VWDE: variants seen among roughly 807,000 people sequenced by gnomAD.
VWDE encodes von Willebrand factor D and EGF domains.
Under a neutral mutation model 178.4 loss-of-function variants are expected in VWDE, and 207 were observed. The ratio of observed to expected loss-of-function variants is 1.16; its 90% CI spans 1.04 to 1.30. The LOEUF is 1.30. VWDE is among the 50% of genes most tolerant of loss of function. The probability of loss-of-function intolerance (pLI) is 0.00; values close to 1 mark genes in which losing one functional copy is unlikely to be tolerated. For synonymous variants in VWDE, 738 were observed against 651.4 expected (o/e 1.13, Z -2.02); for missense variants, 2,287 against 1,901.3 (o/e 1.20, Z -3.77).
chr7:12,367,539 C>CA, intron 12 of VWDE, 46 bp from the exon 13 acceptor site: 4 of 1,378,566 alleles, frequency 2.9e-6, no homozygotes, highest in Non-Finnish European at 2.9e-6. Context: ...TACTTAATTT[C>CA]AGAAAAAAAA....
intron 9 of VWDE, 119 bp from the exon 10 acceptor site, chr7:12,373,366 A>G (rs1354031391): frequency 9.6e-7 from 1 of 1,036,676 alleles, no homozygotes; most frequent in African/African-American, 1.6e-5. Flanking sequence ...TGAAGGAAAC[A>G]AAGTAGTCAT....
intron 1 of VWDE, among the ~76,000 whole-genome samples, chr7:12,396,932 T>A (rs1176067397): frequency 6.6e-6 from 1 of 151,880 alleles, no homozygotes; most frequent in African/African-American, 2.4e-5. Context: ...TGAAACTCTG[T>A]CTCAAAAATA....
At chr7:12,371,005 A>G (rs1468195383) in intron 10 of VWDE, 141 bp from the exon 11 acceptor site, 31 of 728,976 alleles carry the variant, frequency 4.3e-5, no homozygotes, top group Non-Finnish European at 6.2e-5. Context: ...TTTCTTGACT[A>G]CAACTTTCCT....
At chr7:12,333,380 A>C (rs979087534) in intron 28 of VWDE, 85 bp downstream of exon 28, 3 of 787,260 alleles carry the variant, frequency 3.8e-6, no homozygotes, top group East Asian at 3.0e-5. Flanking sequence ...TAATAAAAAA[A>C]CATTAATTAG....
intron 2 of VWDE, among the ~76,000 whole-genome samples, chr7:12,391,352 TG>T (rs2128561759): frequency 6.6e-6 from 1 of 152,190 alleles, no homozygotes; most frequent in East Asian, 1.9e-4. Flanking sequence ...ATTGATTTTC[TG>T]GTTGAATACT....
chr7:12,398,377 A>G (rs1784723421), intron 1 of VWDE, among the ~76,000 whole-genome samples: 1 of 152,200 alleles, frequency 6.6e-6, no homozygotes, highest in Admixed American at 6.5e-5. Context: ...GAAACTTACC[A>G]GATTACCACA....
rs943254762 is a variant in VWDE, at chr7:12,375,217, G to A, written c.1035C>T (p.His345=). 1.3e-6 allele frequency: 2 copies of A among 1,550,452 alleles called. No homozygotes were observed. The highest frequency in any genetic ancestry group is 2.7e-5 in the African/African-American group (2 of 72,972). ...AAGACAGTGCCAAATTTAAGCCTAGGTGCTCTCTACCTATTTAATGAAAAA... is the reference window on the plus strand; with the variant it reads ...AAGACAGTGCCAAATTTAAGCCTAGATGCTCTCTACCTATTTAATGAAAAA... ...KLKTIGQGRE[H]LGLNLALSSC... is the part of the protein sequence containing the mutation. Residue 345 remains histidine, a synonymous_variant, in exon 8 of 29, where the codon CAC becomes CAT. Transcript: ENST00000275358.
rs775000851 is a variant in VWDE at position 12,377,938 on chromosome 7, G to A, written c.880-18C>T. On this transcript the variant is annotated intron_variant, in intron 6 of 28. Transcript: ENST00000275358. ...GGCTGTAGCTGGTATAAGAAAATACGTAGAAAAATTATGTTAAAATATAAT... is the reference window on the plus strand; with the variant it reads ...GGCTGTAGCTGGTATAAGAAAATACATAGAAAAATTATGTTAAAATATAAT... The A allele has an allele frequency of 1.3e-5, 17 of 1,351,648 alleles. No individual in the cohort carries two copies. The highest frequency in any genetic ancestry group is 7.3e-5 in the Admixed American group (2 of 27,534). The allele number at this position is 1,351,648 out of a possible 1,614,324, so 83.7% of individuals were successfully genotyped here. A position where few individuals can be genotyped will look rare whatever the true frequency, so the allele number is the denominator to read the frequency against.
At chr7:12,354,992 G>C (rs1782148006) in intron 18 of VWDE, among the ~76,000 whole-genome samples, 1 of 152,166 alleles carries the variant, frequency 6.6e-6, no homozygotes, top group Non-Finnish European at 1.5e-5. Context: ...ATCTGAACGA[G>C]TAAATTCAGT....
chr7:12,359,714 A>C (rs1782467637), intron 15 of VWDE, 22 bp from the exon 16 acceptor site: 2 of 1,445,630 alleles, frequency 1.4e-6, no homozygotes, highest in East Asian at 2.5e-5. Flanking sequence ...TTTTTAAAAA[A>C]GAAAACATCA....
intron 19 of VWDE, among the ~76,000 whole-genome samples, chr7:12,345,526 A>C (rs1032864474): frequency 6.6e-6 from 1 of 152,162 alleles, no homozygotes; most frequent in Non-Finnish European, 1.5e-5. Context: ...GGTTGATCCA[A>C]ACTTTTCTGG....
At chr7:12,344,346 A>G in intron 20 of VWDE, 28 bp downstream of exon 20, 1 of 1,550,034 alleles carries the variant, frequency 6.5e-7, no homozygotes. Flanking sequence ...ACAATTTATC[A>G]TGCAAACTAA....
At position 12,380,687 on chromosome 7, in the gene VWDE, C is replaced by T. The variant is rs1300933152; in HGVS notation, c.588G>A (p.Glu196=). 6.4e-7 allele frequency: 1 copy of T among 1,551,966 alleles called. No homozygotes were observed. Among genetic ancestry groups the T allele is most frequent in the Non-Finnish European group, 8.7e-7 (1 of 1,147,036 alleles). ...SLPPPPAGRP[E]VLVELIESRL... is the part of the protein sequence containing the mutation. ...TGGACTCAATCAACTCCACCAGAAC[C>T]TCTGGCCTTCCTGCAGGTGGAGGTG... Residue 196 remains glutamate (E), a synonymous_variant, in exon 5 of 29, where the codon GAG becomes GAA. Transcript: ENST00000275358.
intron 4 of VWDE, among the ~76,000 whole-genome samples, chr7:12,381,696 A>G (rs984323035): frequency 6.6e-6 from 1 of 152,044 alleles, no homozygotes; most frequent in Non-Finnish European, 1.5e-5. Flanking sequence ...AAATCAGTAT[A>G]TTCGAACTTG....
chr7:12,352,559 A>T (rs1158122444), intron 18 of VWDE, among the ~76,000 whole-genome samples: 1 of 152,202 alleles, frequency 6.6e-6, no homozygotes, highest in Non-Finnish European at 1.5e-5. Context: ...TTTATTGAAG[A>T]AATGGGTCTG....
intron 28 of VWDE, 23 bp from the exon 29 acceptor site, chr7:12,331,220 G>C (rs1426081461): frequency 6.5e-6 from 10 of 1,536,304 alleles, no homozygotes; most frequent in Admixed American, 2.0e-5. Context: ...GAAGGAAATT[G>C]TGTTTCAATG....
Position 12,374,729 on chromosome 7 carries a change from A to G in VWDE, c.1276T>C (p.Tyr426His). The G allele has an allele frequency of 1.9e-6, 3 of 1,540,476 alleles. No individual in the cohort carries two copies. The highest frequency in any genetic ancestry group is 2.6e-6 in the Non-Finnish European group (3 of 1,142,902). Residue 426 changes from tyrosine to histidine, a missense_variant, in exon 9 of 29, where the codon TAT becomes CAT. By Grantham distance (83) the Tyr-to-His change is moderately conservative. Transcript: ENST00000275358. ...KVKDVPTAYCYTFTDPHIITF... is the reference protein window; with the variant it reads ...KVKDVPTAYCHTFTDPHIITF... ...ATTATATGTGGGTCAGTAAATGTATAGCAGTAAGCAGTTGGGACATCCTTT... is the reference window on the plus strand; with the variant it reads ...ATTATATGTGGGTCAGTAAATGTATGGCAGTAAGCAGTTGGGACATCCTTT...
chr7:12,397,748 A>G (rs1222732658), intron 1 of VWDE, among the ~76,000 whole-genome samples: 3 of 152,184 alleles, frequency 2.0e-5, no homozygotes, highest in African/African-American at 7.2e-5. Flanking sequence ...AAAAGTGGGC[A>G]AAAGACATGA....
At chr7:12,368,046 G>A (rs1170517465) in intron 12 of VWDE, among the ~76,000 whole-genome samples, 2 of 151,752 alleles carry the variant, frequency 1.3e-5, no homozygotes, top group Admixed American at 6.6e-5. Flanking sequence ...AAAATCACGT[G>A]TATTCAGAAC....
Sources: allele counts gnomAD v4.1 joint callset (sites outside exome capture counted in the v4.1 genomes callset), GRCh38; gene constraint gnomAD v4.1.1; transcripts MANE v1.5; gene names NCBI Gene and HGNC (gene_info 2026-07-23, HGNC 2026-07-21).